Variants in PIGQ observed in about 807,000 individuals in gnomAD.
PIGQ encodes the protein phosphatidylinositol glycan anchor biosynthesis class Q.
In PIGQ, 54 loss-of-function variants were observed where a neutral mutation model predicts 60.3. The ratio of observed to expected loss-of-function variants is 0.90; its 90% confidence interval spans 0.72 to 1.12. PIGQ has a LOEUF of 1.12. Among genes scored for constraint, PIGQ ranks in the 50% most tolerant of loss-of-function variants. The pLI is 0.00. For missense variants in PIGQ, 799 were observed against 793.5 expected (o/e 1.01, Z -0.08); for synonymous variants, 416 against 363.7 (o/e 1.14, Z -1.64).
rs2035846353 is a variant in PIGQ at position 583,417 on chromosome 16, G to A, written c.*382G>A. On this transcript the variant is annotated 3_prime_UTR_variant, in exon 11 of 11. Transcript: ENST00000321878. ...CAGGTGGAGGGCTGGTCTCCCTGGG[G>A]GCTCCCCAGTGGCTCTGCCCTGGCT... 1.2e-6 allele frequency: 2 copies of A among 1,612,770 alleles called. No individual in the cohort carries two copies. Among genetic ancestry groups the A allele is most frequent in the Admixed American group, 1.7e-5 (1 of 60,018 alleles).
At chr16:572,288 G>T (rs539501557) in intron 1 of PIGQ, among the ~76,000 whole-genome samples, 26 of 149,762 alleles carry the variant, frequency 1.7e-4, no homozygotes, top group African/African-American at 6.1e-4. Flanking sequence ...TCCACCCGCC[G>T]CCTGCCCTCT....
Position 581,944 on chromosome 16 carries a change from A to T in PIGQ, c.1532-304A>T, listed in dbSNP as rs535952686. On this transcript the variant is annotated intron_variant, in intron 9 of 10. Transcript: ENST00000321878. ...ACACCCGGCTAATTTTTGTATTTTTAGTACGTATGGGGTTTCACCATGTTG... is the reference window on the plus strand; with the variant it reads ...ACACCCGGCTAATTTTTGTATTTTTTGTACGTATGGGGTTTCACCATGTTG... 1.2e-4 allele frequency: 48 copies of T among 402,264 alleles called. No individual in the cohort carries two copies. The Admixed American group carries it at 1.3e-3, about 11-fold the overall frequency. 24.9% of individuals were successfully genotyped at this position (402,264 alleles called of 1,614,324 possible). A position where few individuals can be genotyped will look rare whatever the true frequency, so the allele number is the denominator to read the frequency against.
intron 7 of PIGQ, 158 bp downstream of exon 7, chr16:579,338 T>C: frequency 1.6e-6 from 1 of 625,916 alleles, no homozygotes; most frequent in South Asian, 1.9e-5. Flanking sequence ...CGGTGTGGGC[T>C]GCACGTGGGG....
chr16:576,058 G>C, intron 3 of PIGQ, 76 bp from the exon 4 acceptor site: 1 of 1,544,172 alleles, frequency 6.5e-7, no homozygotes, highest in Non-Finnish European at 8.7e-7. Flanking sequence ...GACCCCTCCG[G>C]CCAGGCAGGC....
intron 1 of PIGQ, chr16:570,582 C>T (rs541766386): frequency 2.0e-5 from 3 of 152,378 alleles, no homozygotes; most frequent in East Asian, 1.9e-4. Context: ...TCTCCTGCCT[C>T]AGCCTCCCCA....
intron 10 of PIGQ, 48 bp downstream of exon 10, chr16:582,357 T>C (rs779678747): frequency 1.4e-6 from 2 of 1,390,136 alleles, no homozygotes; most frequent in African/African-American, 2.8e-5. Context: ...GCCCCTGTTC[T>C]GGGACGGTGG....
rs750343863 is a variant in PIGQ at position 582,351 on chromosome 16, C to T, written c.1593+42C>T. Reference sequence around the variant, plus strand: ...CCAGGACGCCCCTACGCTGCTGCCCCTGTTCTGGGACGGTGGGGTCAGCTG... The same window carrying T: ...CCAGGACGCCCCTACGCTGCTGCCCTTGTTCTGGGACGGTGGGGTCAGCTG... On this transcript the variant is annotated intron_variant, in intron 10 of 10. Transcript: ENST00000321878. The T allele has an allele frequency of 3.8e-5, 56 of 1,464,738 alleles. 1 individual carries two copies. In the African/African-American group the frequency reaches 6.7e-4, roughly 17 times the overall value. 90.7% of individuals were successfully genotyped at this position (1,464,738 alleles called of 1,614,324 possible). A position where few individuals can be genotyped will look rare whatever the true frequency, so the allele number is the denominator to read the frequency against.
At chr16:578,323 A>T (rs2035752668) in intron 4 of PIGQ, 56 bp from the exon 5 acceptor site, 2 of 1,566,118 alleles carry the variant, frequency 1.3e-6, no homozygotes, top group Admixed American at 1.7e-5. Context: ...GCCTGGGGAG[A>T]TGCAGGTGCT....
chr16:582,810 C>T (rs912533324), intron 10 of PIGQ, 73 bp from the exon 11 acceptor site: 123 of 1,479,096 alleles, frequency 8.3e-5, no homozygotes, highest in Non-Finnish European at 1.1e-4. Context: ...CACAACTGCC[C>T]GCCCCCACCC....
Position 575,820 on chromosome 16 carries a change from C to T in PIGQ, c.690-19C>T, listed in dbSNP as rs1431747124. The stretch of plus-strand genomic sequence containing the variant: ...AGGATCTGGAGAGGGACACATCACT[C>T]CTCTCCACTCCCACGCAGAGTGTTC... On this transcript the variant is annotated intron_variant, in intron 2 of 10. Coordinates refer to ENST00000321878, the MANE Select transcript of PIGQ (RefSeq NM_004204.5). The T allele has an allele frequency of 2.6e-6, 4 of 1,553,086 alleles. No individual in the cohort carries two copies. The East Asian group carries it at 7.2e-5, about 28-fold the overall frequency.
intron 10 of PIGQ, 63 bp from the exon 11 acceptor site, chr16:582,820 C>A: frequency 2.0e-5 from 31 of 1,521,458 alleles, no homozygotes; most frequent in Non-Finnish European, 2.7e-5. Context: ...CGCCCCCACC[C>A]TCTCTCTGCA....
At chr16:576,345 C>T (rs1434864170) in intron 4 of PIGQ, 91 bp downstream of exon 4, 1 of 1,412,550 alleles carries the variant, frequency 7.1e-7, no homozygotes, top group Middle Eastern at 2.5e-4. Flanking sequence ...GCCACCGCCC[C>T]ACAAAGCCAG....
Position 580,980 on chromosome 16 carries a change from C to CT in PIGQ, c.1531+9dup. On this transcript the variant is annotated intron_variant, in intron 9 of 10. Transcript: ENST00000321878. ...GGCCCTACAGGCTGGCGGGTAAGTG[C>CT]TGCGTATTGGGCAGCTGGCCCTGGG... The CT allele has an allele frequency of 6.4e-7, 1 of 1,571,500 alleles. No homozygotes were observed. Among genetic ancestry groups the CT allele is most frequent in the Non-Finnish European group, 8.7e-7 (1 of 1,142,886 alleles).
Position 578,518 on chromosome 16 carries a change from C to T in PIGQ, c.1069+13C>T, listed in dbSNP as rs201788458. The T allele has an allele frequency of 5.6e-6, 9 of 1,608,718 alleles. No homozygotes were observed. Among genetic ancestry groups the T allele is most frequent in the Non-Finnish European group, 7.6e-6 (9 of 1,177,538 alleles). ...CACCTGTGGATCAGTGAGTGCAGGG[C>T]AGGCGGGGGCCCCAGGGACCCCAGA... On this transcript the variant is annotated intron_variant, in intron 5 of 10. Transcript: ENST00000321878.
chr16:581,097 G>A (rs921330789), intron 9 of PIGQ, 125 bp downstream of exon 9: 19 of 1,378,258 alleles, frequency 1.4e-5, no homozygotes, highest in Non-Finnish European at 1.6e-5. Context: ...GTATGCATGC[G>A]CAAGCGGGCA....
At chr16:575,373 C>A (rs1173474787) in intron 2 of PIGQ, among the ~76,000 whole-genome samples, 1 of 152,202 alleles carries the variant, frequency 6.6e-6, no homozygotes, top group Non-Finnish European at 1.5e-5. Context: ...ACCTCATCTG[C>A]CTGGCGGAGG....
chr16:582,363 G>A lies in PIGQ; in HGVS notation c.1593+54G>A, dbSNP rs951235994. On this transcript the variant is annotated intron_variant, in intron 10 of 10. Coordinates refer to ENST00000321878, the MANE Select transcript of PIGQ (RefSeq NM_004204.5). ...TACGCTGCTGCCCCTGTTCTGGGAC[G>A]GTGGGGTCAGCTGGGTGTAGTGTCT... 22 of 1,339,824 alleles carry A rather than the reference G, an allele frequency of 1.6e-5. No individual in the cohort carries two copies. In the African/African-American group the frequency reaches 1.9e-4, roughly 11 times the overall value. The allele number at this position is 1,339,824 out of a possible 1,614,324, so 83.0% of individuals were successfully genotyped here.
At position 579,327 on chromosome 16, in the gene PIGQ, G is replaced by T; in HGVS notation, c.1335+147G>T. On this transcript the variant is annotated intron_variant, in intron 7 of 10. Coordinates refer to ENST00000321878, the MANE Select transcript of PIGQ (RefSeq NM_004204.5). ...ACAGGCCCTGGGAATAGATAAGTCT[G>T]CGGTGTGGGCTGCACGTGGGGCTCT... The T allele has an allele frequency of 1.1e-5, 7 of 642,986 alleles. No homozygotes were observed. The South Asian group carries it at 1.3e-4, about 12-fold the overall frequency. 39.8% of individuals were successfully genotyped at this position (642,986 alleles called of 1,614,324 possible). A position where few individuals can be genotyped will look rare whatever the true frequency, so the allele number is the denominator to read the frequency against.
rs1355616588 is a variant in PIGQ, at chr16:583,718, C to T, written c.*683C>T. 6.8e-7 allele frequency: 1 copy of T among 1,476,468 alleles called. No homozygotes were observed. Among genetic ancestry groups the T allele is most frequent in the Non-Finnish European group, 9.4e-7 (1 of 1,065,322 alleles). The allele number at this position is 1,476,468 out of a possible 1,614,324, so 91.5% of individuals were successfully genotyped here. A position where few individuals can be genotyped will look rare whatever the true frequency, so the allele number is the denominator to read the frequency against. ...AGTGTCAAGGGCCCGCCCACTGACC[C>T]AGCCGTACCTATTCGTCCACGGTGC... On this transcript the variant is annotated 3_prime_UTR_variant, in exon 11 of 11. Transcript: ENST00000321878.
Sources: allele counts gnomAD v4.1 joint callset (sites outside exome capture counted in the v4.1 genomes callset), GRCh38; gene constraint gnomAD v4.1.1; transcripts MANE v1.5; gene names NCBI Gene and HGNC (gene_info 2026-07-23, HGNC 2026-07-21).